Variants in OGT observed in about 807,000 individuals in gnomAD.
OGT encodes the protein UDP-N-acetylglucosamine--peptide N-acetylglucosaminyltransferase 110 kDa subunit.
OGT carries 3 observed loss-of-function variants against 75.8 expected under a neutral mutation model. The observed-to-expected ratio is 0.04, with a 90% CI of 0.02 to 0.10. The LOEUF is 0.10. Ranked by LOEUF, OGT falls within the 10% of genes least tolerant of loss-of-function variation. The pLI is 1.00. For missense variants in OGT, 260 were observed against 824.4 expected (o/e 0.32, Z 8.38); for synonymous variants, 257 against 289.7 (o/e 0.89, Z 1.15).
At chrX:71,550,515 A>T (rs1465456084) in intron 5 of OGT, among the ~76,000 whole-genome samples, 1 of 111,315 alleles carries the variant, frequency 9.0e-6, no homozygotes, top group Non-Finnish European at 1.9e-5. Flanking sequence ...TCCCCAAGTG[A>T]TAGGATTACA....
intron 21 of OGT, among the ~76,000 whole-genome samples, chrX:71,572,059 G>A (rs1481287800): frequency 9.0e-6 from 1 of 111,468 alleles, no homozygotes; most frequent in African/African-American, 3.3e-5. Flanking sequence ...GTGAGCCACA[G>A]TGCCCAACCG....
At chrX:71,547,754 A>G (rs774128930) in intron 4 of OGT, 153 bp from the exon 5 acceptor site, 55 of 1,111,648 alleles carry the variant, frequency 4.9e-5, no homozygotes, top group Non-Finnish European at 6.3e-5. Flanking sequence ...AAGCGAGCCT[A>G]TGCTGCAGGG....
At chrX:71,544,317 G>A (rs1437233304) in intron 3 of OGT, among the ~76,000 whole-genome samples, 1 of 111,987 alleles carries the variant, frequency 8.9e-6, no homozygotes, top group Non-Finnish European at 1.9e-5. Flanking sequence ...TTCATACTAA[G>A]TGAGATAATT....
rs183456914 is a variant in OGT, at chrX:71,540,126, G to A, written c.462+2054G>A. ...TGGTTCTATGTTTCTTCTAGTGGAA[G>A]GTGCTGCTTTACTTATTTATTACTG... On this transcript the variant is annotated intron_variant, in intron 3 of 21. Transcript: ENST00000373719. Among the ~76,000 whole-genome samples the A allele has an allele frequency of 3.1e-3, 348 of 112,409 alleles. 1 individual carries two copies. Among genetic ancestry groups the A allele is most frequent in the Admixed American group, 5.8e-3 (62 of 10,621 alleles).
intron 13 of OGT, 29 bp downstream of exon 13, chrX:71,559,454 A>G (rs1214805757): frequency 1.7e-6 from 2 of 1,182,796 alleles, no homozygotes; most frequent in Non-Finnish European, 2.3e-6. Flanking sequence ...TAGAATCACT[A>G]TTTGTTTAAA....
At position 71,574,726 on chromosome X, in the gene OGT, T is replaced by C. The variant is rs2040483210; in HGVS notation, c.*932T>C. The C allele has an allele frequency of 9.3e-6, 1 of 106,955 alleles. No homozygotes were observed. Among genetic ancestry groups the C allele is most frequent in the South Asian group, 4.3e-4 (1 of 2,325 alleles). The allele number at this position is 106,955 out of a possible 1,213,427, so 8.8% of individuals were successfully genotyped here. A position where few individuals can be genotyped will look rare whatever the true frequency, so the allele number is the denominator to read the frequency against. ...TGCTGCTTCCAAAAGTGATAGTGTGTGTAAGATTTTTACCTTCCTTTCTAA... is the reference window on the plus strand; with the variant it reads ...TGCTGCTTCCAAAAGTGATAGTGTGCGTAAGATTTTTACCTTCCTTTCTAA... On this transcript the variant is annotated 3_prime_UTR_variant, in exon 22 of 22. Coordinates refer to ENST00000373719, the MANE Select transcript of OGT (RefSeq NM_181672.3).
At position 71,537,840 on chromosome X, in the gene OGT, T is replaced by A; in HGVS notation, c.230T>A (p.Phe77Tyr). The A allele has an allele frequency of 8.3e-7, 1 of 1,211,913 alleles. No homozygotes were observed. The highest frequency in any genetic ancestry group is 2.2e-5 in the Admixed American group (1 of 46,084). The change falls in exon 3 of 22, where the codon TTT (phenylalanine) becomes TAT (tyrosine). Residue 77 changes from phenylalanine (F) to tyrosine (Y), a missense_variant. Transcript: ENST00000373719. ...GTCGCCTTTTCCAGATCTGCTCACT[T>A]TAGCACTCTGGCAATTAAACAGAAC... ...QCRRLDRSAH[F>Y]STLAIKQNPL...
At chrX:71,542,774 G>A (rs914184367) in intron 3 of OGT, among the ~76,000 whole-genome samples, 2 of 112,279 alleles carry the variant, frequency 1.8e-5, no homozygotes, top group Non-Finnish European at 3.8e-5. Flanking sequence ...CAAAACAGGG[G>A]TAACCCTTTC....
In OGT at chrX:71,550,158, A is replaced by G. The variant is rs139439036; in HGVS notation, c.648+2135A>G. Among the ~76,000 whole-genome samples the G allele has an allele frequency of 9.6e-3, 1,079 of 112,097 alleles. 7 individuals are homozygous for G. Among genetic ancestry groups the G allele is most frequent in the Middle Eastern group, 0.018 (4 of 217 alleles). On this transcript the variant is annotated intron_variant, in intron 5 of 21. Transcript: ENST00000373719. ...AGAATAAAGTTTTTGAGGAACCTCT[A>G]TACTAGTTCCCAAAATGGCTGTGCC...
intron 2 of OGT, 108 bp from the exon 3 acceptor site, chrX:71,537,721 A>C: frequency 1.1e-6 from 1 of 936,636 alleles, no homozygotes; most frequent in Non-Finnish European, 1.5e-6. Flanking sequence ...ATAAGGTATT[A>C]TATAATGAGC....
At chrX:71,568,305 G>T (rs1295153082) in intron 21 of OGT, among the ~76,000 whole-genome samples, 189 bp downstream of exon 21, 1 of 112,460 alleles carries the variant, frequency 8.9e-6, no homozygotes, top group Non-Finnish European at 1.9e-5. Context: ...AAAGTAAATG[G>T]CTGAATAAAA....
At chrX:71,533,822 G>T (rs938752295) in intron 1 of OGT, among the ~76,000 whole-genome samples, 2 of 109,544 alleles carry the variant, frequency 1.8e-5, no homozygotes, top group South Asian at 4.0e-4. Context: ...GTGCCGTTCC[G>T]ATGTAATCAT....
chrX:71,568,859 C>CA lies in OGT; in HGVS notation c.2966+753dup, dbSNP rs768501498. ...AAAAACAAAAACAAAAACAAACAAACAAAAAAAAAACCAAACAAACAAAAA... is the reference window on the plus strand; with the variant it reads ...AAAAACAAAAACAAAAACAAACAAACAAAAAAAAAAACCAAACAAACAAAAA... On this transcript the variant is annotated intron_variant, in intron 21 of 21. Coordinates refer to ENST00000373719, the MANE Select transcript of OGT (RefSeq NM_181672.3). Among the ~76,000 whole-genome samples the CA allele has an allele frequency of 2.3e-3, 234 of 99,922 alleles. 1 individual carries two copies. The highest frequency in any genetic ancestry group is 9.8e-3 in the Middle Eastern group (2 of 204). The allele number at this position is 99,922 out of a possible 115,157, so 86.8% of individuals were successfully genotyped here.
intron 19 of OGT, among the ~76,000 whole-genome samples, chrX:71,565,562 T>G (rs193037039): frequency 1.8e-5 from 2 of 111,973 alleles, no homozygotes; most frequent in African/African-American, 6.5e-5. Context: ...GAGATGTAGA[T>G]TTTTCAGGCA....
In OGT at chrX:71,548,035, A is replaced by T; in HGVS notation, c.648+12A>T. The T allele has an allele frequency of 8.3e-7, 1 of 1,205,633 alleles. No individual in the cohort carries two copies. Among genetic ancestry groups the T allele is most frequent in the South Asian group, 1.8e-5 (1 of 56,561 alleles). ...ATCACTTTGAAAAGGTTAGTCATTA[A>T]ATTAATAATTGGTATTTTTGAAGTG... On this transcript the variant is annotated intron_variant, in intron 5 of 21. Coordinates refer to ENST00000373719, the MANE Select transcript of OGT (RefSeq NM_181672.3).
chrX:71,533,256 C>T lies in OGT; in HGVS notation c.-44C>T, dbSNP rs1186564040. The T allele has an allele frequency of 1.7e-6, 2 of 1,168,397 alleles. No homozygotes were observed. The highest frequency in any genetic ancestry group is 1.8e-5 in the African/African-American group (1 of 56,688). On this transcript the variant is annotated 5_prime_UTR_variant, in exon 1 of 22. Transcript: ENST00000373719. ...ACGTTCTTGCTGGTAGTGGCGGCAG[C>T]AGGACCAATTACCTCTTTTTTGCTC...
chrX:71,551,239 A>G (rs758997203), intron 5 of OGT, among the ~76,000 whole-genome samples: 13 of 112,825 alleles, frequency 1.2e-4, no homozygotes, highest in Non-Finnish European at 2.1e-4. Flanking sequence ...GAACTAGACC[A>G]TAGAGTAACC....
chrX:71,535,153 G>T, intron 1 of OGT, among the ~76,000 whole-genome samples: 2 of 105,846 alleles, frequency 1.9e-5, no homozygotes, highest in Admixed American at 1.0e-4. Context: ...TCCCTCTCTG[G>T]GCTTTAGCTA....
rs1017573754 is a variant in OGT, at chrX:71,533,466, G to A, written c.37+130G>A. ...CATCAGTGACATTGCTAAGCTTTTCGTGGTCTACTGGCATCTGATCACATC... is the reference window on the plus strand; with the variant it reads ...CATCAGTGACATTGCTAAGCTTTTCATGGTCTACTGGCATCTGATCACATC... On this transcript the variant is annotated intron_variant, in intron 1 of 21. Transcript: ENST00000373719. The A allele has an allele frequency of 8.3e-6, 5 of 602,875 alleles. No individual in the cohort carries two copies. The African/African-American group carries it at 8.9e-5, about 11-fold the overall frequency. 49.7% of individuals were successfully genotyped at this position (602,875 alleles called of 1,213,427 possible).
Sources: gnomAD v4.1 joint callset for allele counts (sites outside exome capture counted in the v4.1 genomes callset) on GRCh38, gnomAD v4.1.1 for gene constraint, MANE v1.5 for transcripts, NCBI Gene and HGNC (gene_info 2026-07-23, HGNC 2026-07-21) for gene names.